Variants in SPTB observed in about 807,000 individuals in gnomAD.
SPTB encodes spectrin beta, erythrocytic.
Under a neutral mutation model 256.2 loss-of-function variants are expected in SPTB, and 45 were observed. The observed-to-expected ratio is 0.18, with a 90% CI of 0.14 to 0.23. The LOEUF (loss-of-function observed/expected upper bound fraction) is 0.23, where lower values mean the gene tolerates loss of function less well. Ranked by LOEUF, SPTB falls within the 10% of genes least tolerant of loss-of-function variation. SPTB has a pLI of 1.00. For missense variants in SPTB, 2,715 were observed against 3,040.4 expected, an observed-to-expected ratio of 0.89 and a Z score of 2.52; for synonymous variants, 1,231 against 1,243.1, an observed-to-expected ratio of 0.99 and a Z score of 0.21.
intron 15 of SPTB, 92 bp downstream of exon 15, chr14:64,791,627 T>A: frequency 9.6e-6 from 9 of 940,438 alleles, no homozygotes; most frequent in Non-Finnish European, 1.5e-5. Context: ...TGTTGGTGCA[T>A]ACTAGGTGGA....
chr14:64,821,680 T>C (rs977169070), intron 2 of SPTB, among the ~76,000 whole-genome samples: 2 of 152,120 alleles, frequency 1.3e-5, no homozygotes, highest in African/African-American at 4.8e-5. Context: ...AGGGAGAATT[T>C]TGTGGGGTCA....
chr14:64,772,643 C>T lies in SPTB; in HGVS notation c.5490G>A (p.Thr1830=), dbSNP rs769804573. The T allele has an allele frequency of 3.8e-5, 62 of 1,613,080 alleles. No homozygotes were observed. Among genetic ancestry groups the T allele is most frequent in the Non-Finnish European group, 4.8e-5 (57 of 1,179,776 alleles). ...TGTGCACCCGGTGGAAGGACTCGGC[C>T]GTGCTGGCGTCCAGCCCCACGTCCT... ...LPEDVGLDAS[T]AESFHRVHTA... is the part of the protein sequence containing the mutation. Residue 1830 remains threonine, a synonymous_variant, in exon 26 of 36, where the codon ACG becomes ACA. Coordinates refer to ENST00000644917, the MANE Select transcript of SPTB (RefSeq NM_001355436.2). This position sits in a 1 kb window ranked among gnomAD's most constrained non-coding sequence, Gnocchi z 5.4.
In SPTB at chr14:64,749,744, C is replaced by A; in HGVS notation, c.6777-48G>T. 1 of 1,603,102 alleles carries A rather than the reference C, an allele frequency of 6.2e-7. No homozygotes were observed. Among genetic ancestry groups the A allele is most frequent in the Non-Finnish European group, 8.5e-7 (1 of 1,174,270 alleles). On this transcript the variant is annotated intron_variant, in intron 34 of 35. Transcript: ENST00000644917. The surrounding 1 kb of genome is among the most constrained non-coding windows in gnomAD (Gnocchi z 4.7). ...GTCATGGAGACACCTCTGGAGGGGGCGCTGGGCAGAGGGCTGGCTCTGATC... is the reference window on the plus strand; with the variant it reads ...GTCATGGAGACACCTCTGGAGGGGGAGCTGGGCAGAGGGCTGGCTCTGATC...
intron 1 of SPTB, among the ~76,000 whole-genome samples, chr14:64,848,830 C>G (rs965849862): frequency 1.3e-5 from 2 of 152,144 alleles, no homozygotes; most frequent in Admixed American, 6.5e-5. Context: ...TGTTTAATAG[C>G]CACATAATAC....
In SPTB at chr14:64,786,715, C is replaced by T; in HGVS notation, c.3250G>A (p.Val1084Met). ...GATTCGGGCATGTCCTCAGAGGCCA[C>T]AGCCTTCTGGGTGATGGAGAGCCAG... ...QAWLSITQKA[V>M]ASEDMPESLP... is the part of the protein sequence containing the mutation. Residue 1084 changes from valine (V) to methionine (M), a missense_variant, in exon 16 of 36, where the codon GTG (valine) becomes ATG (methionine). Around this residue, in one of 4 missense-constraint regions of SPTB, gnomAD observed 2,239 missense variants for 2,384.4 expected, o/e 0.94. Coordinates refer to ENST00000644917, the MANE Select transcript of SPTB (RefSeq NM_001355436.2). This position sits in a 1 kb window ranked among gnomAD's most constrained non-coding sequence, Gnocchi z 5.6. 1.2e-6 allele frequency: 2 copies of T among 1,614,186 alleles called. No individual in the cohort carries two copies. Among genetic ancestry groups the T allele is most frequent in the East Asian group, 2.2e-5 (1 of 44,878 alleles).
chr14:64,823,080 T>C lies in SPTB; in HGVS notation c.15A>G (p.Thr5=). The part of the protein sequence containing the change: MTSA[T]EFENVGNQPP... ...GCTGGTTGCCCACATTTTCAAACTC[T>C]GTGGCCGATGTCATGTCAGCAGGCT... The change falls in exon 2 of 36, where the codon ACA becomes ACG. Residue 5 remains threonine, a synonymous_variant. Coordinates refer to ENST00000644917, the MANE Select transcript of SPTB (RefSeq NM_001355436.2). The surrounding 1 kb of genome is among the most constrained non-coding windows in gnomAD (Gnocchi z 6.5). 6.2e-7 allele frequency: 1 copy of C among 1,614,170 alleles called. No individual in the cohort carries two copies. The highest frequency in any genetic ancestry group is 8.5e-7 in the Non-Finnish European group (1 of 1,180,028).
In SPTB at chr14:64,830,229, C is replaced by T. The variant is rs948276179; in HGVS notation, c.-51-7084G>A. ...TCCTTATAGGCATCAGCCATGTCTGCCTTTTTCATTATTGTACTCCAGTGC... is the reference window on the plus strand; with the variant it reads ...TCCTTATAGGCATCAGCCATGTCTGTCTTTTTCATTATTGTACTCCAGTGC... On this transcript the variant is annotated intron_variant, in intron 1 of 35. Coordinates refer to ENST00000644917, the MANE Select transcript of SPTB (RefSeq NM_001355436.2). Among the ~76,000 whole-genome samples the T allele has an allele frequency of 2.6e-5, 4 of 151,608 alleles. No individual in the cohort carries two copies. In the East Asian group the frequency reaches 7.7e-4, roughly 29 times the overall value.
At chr14:64,784,547 C>T (rs1019503485) in intron 18 of SPTB, among the ~76,000 whole-genome samples, 154 bp from the exon 19 acceptor site, 1 of 152,202 alleles carries the variant, frequency 6.6e-6, no homozygotes, top group Non-Finnish European at 1.5e-5. Context: ...CCCTCTGTAC[C>T]AGCACAGGCA....
intron 9 of SPTB, 129 bp downstream of exon 9, chr14:64,799,618 C>T (rs1034820688): frequency 9.1e-6 from 10 of 1,103,716 alleles, no homozygotes; most frequent in East Asian, 2.6e-5. Context: ...AGGTGACACA[C>T]ATACAGCTCT....
intron 4 of SPTB, 46 bp downstream of exon 4, chr14:64,803,561 C>T: frequency 1.2e-6 from 2 of 1,611,194 alleles, no homozygotes; most frequent in Middle Eastern, 1.9e-4. Context: ...AGGCCCTGGG[C>T]AGCCTTGAGG....
At chr14:64,780,021 TA>T in intron 20 of SPTB, 90 bp from the exon 21 acceptor site, 1 of 1,177,240 alleles carries the variant, frequency 8.5e-7, no homozygotes, top group Non-Finnish European at 1.3e-6. Flanking sequence ...ACCCATCCTT[TA>T]AGGCCCAATT....
At chr14:64,831,447 T>C (rs370555066) in intron 1 of SPTB, among the ~76,000 whole-genome samples, 6 of 152,232 alleles carry the variant, frequency 3.9e-5, no homozygotes, top group African/African-American at 1.4e-4. Flanking sequence ...GCTAAAACCC[T>C]AAGAAGAGAT....
Position 64,786,394 on chromosome 14 carries a change from G to A in SPTB, c.3561+10C>T, listed in dbSNP as rs1350768363. 6.2e-7 allele frequency: 1 copy of A among 1,613,806 alleles called. No individual in the cohort carries two copies. Among genetic ancestry groups the A allele is most frequent in the Non-Finnish European group, 8.5e-7 (1 of 1,180,034 alleles). ...AGACCCGCCTGTCCCAGCCCTGAATGCCTCTCTACCTGGTTGCTGAGGATG... is the reference window on the plus strand; with the variant it reads ...AGACCCGCCTGTCCCAGCCCTGAATACCTCTCTACCTGGTTGCTGAGGATG... On this transcript the variant is annotated intron_variant, in intron 16 of 35. Coordinates refer to ENST00000644917, the MANE Select transcript of SPTB (RefSeq NM_001355436.2). This position sits in a 1 kb window ranked among gnomAD's most constrained non-coding sequence, Gnocchi z 5.6.
intron 33 of SPTB, among the ~76,000 whole-genome samples, chr14:64,752,678 C>G (rs2081969212): frequency 6.6e-6 from 1 of 152,204 alleles, no homozygotes; most frequent in Non-Finnish European, 1.5e-5. Flanking sequence ...TGGGTAGACT[C>G]TCCATTTAAG....
rs957580540 is a variant in SPTB, at chr14:64,827,468, C to A, written c.-51-4323G>T. ...CTCACCTGTTTTCTAGTTTGTCCTG[C>A]CCCTTTATGCTACCTCAAACCTGCT... On this transcript the variant is annotated intron_variant, in intron 1 of 35. Transcript: ENST00000644917. The surrounding 1 kb of genome is among the most constrained non-coding windows in gnomAD (Gnocchi z 4.6). Among the ~76,000 whole-genome samples, 1 of 152,166 alleles carries A rather than the reference C, an allele frequency of 6.6e-6. No individual in the cohort carries two copies. Among genetic ancestry groups the A allele is most frequent in the African/African-American group, 2.4e-5 (1 of 41,428 alleles).
chr14:64,764,919 G>C lies in SPTB; in HGVS notation c.6345+1807C>G, dbSNP rs1291310746. Among the ~76,000 whole-genome samples, 1 of 152,102 alleles carries C rather than the reference G, an allele frequency of 6.6e-6. No homozygotes were observed. The highest frequency in any genetic ancestry group is 1.9e-4 in the East Asian group (1 of 5,164). Reference sequence around the variant, plus strand: ...AGCTTCGGAGGGAACTTCTGGGAGAGACCCTTCAGCAGGAGCCCAGCAGTG... The same window carrying C: ...AGCTTCGGAGGGAACTTCTGGGAGACACCCTTCAGCAGGAGCCCAGCAGTG... On this transcript the variant is annotated intron_variant, in intron 32 of 35. Transcript: ENST00000644917. This position sits in a 1 kb window ranked among gnomAD's most constrained non-coding sequence, Gnocchi z 4.2.
rs1326440410 is a variant in SPTB, at chr14:64,775,956, T to C, written c.4564-553A>G. On this transcript the variant is annotated intron_variant, in intron 22 of 35. Transcript: ENST00000644917. This position sits in a 1 kb window ranked among gnomAD's most constrained non-coding sequence, Gnocchi z 5.0. ...CTCAGCTTTTGTTTTTCCCTACTTC[T>C]ATTTCTCATATTTTTGTGAGCTTTG... Among the ~76,000 whole-genome samples the C allele has an allele frequency of 1.3e-5, 2 of 152,212 alleles. No homozygotes were observed. Among genetic ancestry groups the C allele is most frequent in the Admixed American group, 1.3e-4 (2 of 15,292 alleles).
intron 2 of SPTB, among the ~76,000 whole-genome samples, chr14:64,805,744 G>T (rs1026446519): frequency 6.6e-6 from 1 of 152,206 alleles, no homozygotes; most frequent in East Asian, 1.9e-4. Flanking sequence ...ATGTGGCAGC[G>T]CTGTGCTAGG....
intron 1 of SPTB, among the ~76,000 whole-genome samples, chr14:64,874,535 C>T (rs1054597330): frequency 4.6e-5 from 7 of 152,156 alleles, no homozygotes; most frequent in African/African-American, 1.2e-4. Flanking sequence ...TTATGAAAGG[C>T]CTTTTCTTGC....
Sources: gnomAD v4.1 joint callset for allele counts (sites outside exome capture counted in the v4.1 genomes callset) on GRCh38, gnomAD v4.1.1 for gene constraint, gnomAD v4.1.1 regional missense constraint, Gnocchi (gnomAD v3.1) non-coding constraint, MANE v1.5 for transcripts, NCBI Gene and HGNC (gene_info 2026-07-23, HGNC 2026-07-21) for gene names.